SMCHD1: variants seen among roughly 807,000 people sequenced by gnomAD.
SMCHD1 encodes the protein structural maintenance of chromosomes flexible hinge domain containing 1, also known as structural maintenance of chromosomes flexible hinge domain-containing protein 1.
SMCHD1 carries 78 observed loss-of-function variants against 254.7 expected under a neutral mutation model. The observed-to-expected ratio is 0.31, with a 90% confidence interval of 0.26 to 0.37. SMCHD1 has a LOEUF of 0.37. SMCHD1 is among the 10% of genes least tolerant of loss of function. The pLI, the probability that SMCHD1 is intolerant of heterozygous loss-of-function variation, is 1.00. For synonymous variants in SMCHD1, 766 were observed against 794.9 expected, an observed-to-expected ratio of 0.96 and a Z score of 0.61; for missense variants, 1,840 against 2,408.1, an observed-to-expected ratio of 0.76 and a Z score of 4.94.
At position 2,803,280 on chromosome 18, in the gene SMCHD1, ATTAATACTAGAATATGTAGTCTCAGCCT is replaced by A. The variant is rs2076395976; in HGVS notation, c.*730_*757del. 3 of 149,570 alleles carry A rather than the reference ATTAATACTAGAATATGTAGTCTCAGCCT, an allele frequency of 2.0e-5. No individual in the cohort carries two copies. Among genetic ancestry groups the A allele is most frequent in the African/African-American group, 7.3e-5 (3 of 40,992 alleles). 9.3% of individuals were successfully genotyped at this position (149,570 alleles called of 1,614,324 possible). A position where few individuals can be genotyped will look rare whatever the true frequency, so the allele number is the denominator to read the frequency against. On this transcript the variant is annotated 3_prime_UTR_variant, in exon 48 of 48. Coordinates refer to ENST00000320876, the MANE Select transcript of SMCHD1 (RefSeq NM_015295.3). ...TTATAACTATTGTTTGTTTGACTTT[ATTAATACTAGAATATGTAGTCTCAGCCT>A]TAATTTTACATTTACATTATTTTGT...
intron 5 of SMCHD1, among the ~76,000 whole-genome samples, chr18:2,686,354 A>G (rs527583537): frequency 3.3e-5 from 5 of 152,324 alleles, no homozygotes; most frequent in Admixed American, 6.5e-5. Flanking sequence ...TAATGCATCT[A>G]TTCCAAAATT....
chr18:2,762,253 TC>T lies in SMCHD1; in HGVS notation c.4566+19del, dbSNP rs774427584. On this transcript the variant is annotated intron_variant, in intron 36 of 47. Transcript: ENST00000320876. ...AGTATCACGGTAATGTTTATTTTCTTCCAAAACTGCGAAGGGTAACAAGAAA... is the reference window on the plus strand; with the variant it reads ...AGTATCACGGTAATGTTTATTTTCTTCAAAACTGCGAAGGGTAACAAGAAA... The T allele has an allele frequency of 5.6e-6, 9 of 1,610,134 alleles. No individual in the cohort carries two copies. In the South Asian group the frequency reaches 9.9e-5, roughly 18 times the overall value.
At chr18:2,743,196 G>A (rs978437837) in intron 28 of SMCHD1, among the ~76,000 whole-genome samples, 1 of 152,112 alleles carries the variant, frequency 6.6e-6, no homozygotes, top group African/African-American at 2.4e-5. Flanking sequence ...GATGTGTTAC[G>A]CATTATTCTA....
Position 2,682,143 on chromosome 18 carries a change from A to G in SMCHD1, c.639-6251A>G, listed in dbSNP as rs114984753. ...AGAGATTGGTGGCCAGTTTTGTTAGAGGTGGAGTTTTCTTAAGTTTGGTGT... is the reference window on the plus strand; with the variant it reads ...AGAGATTGGTGGCCAGTTTTGTTAGGGGTGGAGTTTTCTTAAGTTTGGTGT... On this transcript the variant is annotated intron_variant, in intron 5 of 47. Coordinates refer to ENST00000320876, the MANE Select transcript of SMCHD1 (RefSeq NM_015295.3). 8.8e-3 allele frequency among the ~76,000 whole-genome samples: 1,334 copies of G among 152,022 alleles called. 22 individuals are homozygous for G. The highest frequency in any genetic ancestry group is 0.03 in the African/African-American group (1,264 of 41,452).
In SMCHD1 at chr18:2,656,205, C is replaced by A. The variant is rs1271107369; in HGVS notation, c.130C>A (p.Pro44Thr). The A allele has an allele frequency of 2.0e-6, 3 of 1,506,670 alleles. No homozygotes were observed. In the African/African-American group the frequency reaches 4.4e-5, roughly 22 times the overall value. The allele number at this position is 1,506,670 out of a possible 1,614,324, so 93.3% of individuals were successfully genotyped here. ...REKESELGDR[P>T]LQVGERSDYA... is the part of the protein sequence containing the mutation. ...AAAGGAGTCCGAGCTCGGGGACCGG[C>A]CTCTGCAGGTCGGGGAGCGCTCGGA... Residue 44 changes from proline to threonine, a missense_variant, in exon 1 of 48, where the codon CCT becomes ACT. By Grantham distance (38) the Pro-to-Thr change is conservative. Transcript: ENST00000320876.
intron 5 of SMCHD1, among the ~76,000 whole-genome samples, chr18:2,681,550 A>G (rs1174520120): frequency 2.1e-5 from 3 of 144,580 alleles, no homozygotes; most frequent in African/African-American, 7.7e-5. Context: ...ACGCCACTGC[A>G]CTCCAGCCTG....
chr18:2,740,692 C>T lies in SMCHD1; in HGVS notation c.3515-11C>T. Reference sequence around the variant, plus strand: ...AAGATAATACTAAAATAAAACTTCCCCCTTTTTTAGTTATAATAATTACAG... The same window carrying T: ...AAGATAATACTAAAATAAAACTTCCTCCTTTTTTAGTTATAATAATTACAG... On this transcript the variant is annotated splice_polypyrimidine_tract_variant and intron_variant, in intron 27 of 47. Coordinates refer to ENST00000320876, the MANE Select transcript of SMCHD1 (RefSeq NM_015295.3). The T allele has an allele frequency of 2.1e-6, 3 of 1,428,936 alleles. No individual in the cohort carries two copies. Among genetic ancestry groups the T allele is most frequent in the East Asian group, 2.3e-5 (1 of 43,106 alleles). The allele number at this position is 1,428,936 out of a possible 1,614,324, so 88.5% of individuals were successfully genotyped here.
chr18:2,785,415 G>A (rs1355662177), intron 45 of SMCHD1, among the ~76,000 whole-genome samples: 4 of 152,034 alleles, frequency 2.6e-5, no homozygotes, highest in African/African-American at 7.2e-5. Flanking sequence ...TTGGGAGGCC[G>A]AGGTAGGCGG....
At position 2,770,088 on chromosome 18, in the gene SMCHD1, A is replaced by G. The variant is rs1458741625; in HGVS notation, c.4946A>G (p.Gln1649Arg). The G allele has an allele frequency of 6.3e-7, 1 of 1,597,482 alleles. No individual in the cohort carries two copies. The highest frequency in any genetic ancestry group is 2.2e-5 in the East Asian group (1 of 44,574). The change falls in exon 39 of 48, where the codon CAG becomes CGG. Residue 1649 changes from glutamine (Q) to arginine (R), a missense_variant. Transcript: ENST00000320876. The part of the protein sequence containing the change: ...MYKSLFEASQ[Q>R]LLNEMKCQVE... ...AAAAGTTTATTTGAAGCCAGCCAAC[A>G]GCTTCTTAATGAAATGAAATGTAAG...
At chr18:2,708,907 T>A (rs12961785) in intron 17 of SMCHD1, among the ~76,000 whole-genome samples, 7,379 of 44,328 alleles carry the variant, frequency 0.17, 1,645 homozygotes, top group Middle Eastern at 0.24. Flanking sequence ...TATATATATA[T>A]AACATATTAA....
intron 5 of SMCHD1, among the ~76,000 whole-genome samples, chr18:2,681,523 C>T (rs752011040): frequency 8.1e-5 from 12 of 148,038 alleles, no homozygotes; most frequent in South Asian, 4.3e-4. Context: ...AGGTCGAGGC[C>T]GCAGTAATCC....
Position 2,656,208 on chromosome 18 carries a change from C to T in SMCHD1, c.133C>T (p.Leu45=), listed in dbSNP as rs1339476580. The T allele has an allele frequency of 7.3e-6, 11 of 1,507,788 alleles. No homozygotes were observed. The highest frequency in any genetic ancestry group is 1.5e-5 in the African/African-American group (1 of 67,920). The allele number at this position is 1,507,788 out of a possible 1,614,324, so 93.4% of individuals were successfully genotyped here. A position where few individuals can be genotyped will look rare whatever the true frequency, so the allele number is the denominator to read the frequency against. Residue 45 remains leucine, a synonymous_variant, in exon 1 of 48, where the codon CTG becomes TTG. Transcript: ENST00000320876. The part of the protein sequence containing the change: ...EKESELGDRP[L]QVGERSDYAG... Reference sequence around the variant, plus strand: ...GGAGTCCGAGCTCGGGGACCGGCCTCTGCAGGTCGGGGAGCGCTCGGACTA... The same window carrying T: ...GGAGTCCGAGCTCGGGGACCGGCCTTTGCAGGTCGGGGAGCGCTCGGACTA...
intron 34 of SMCHD1, 150 bp from the exon 35 acceptor site, chr18:2,760,502 T>G: frequency 1.8e-6 from 1 of 560,796 alleles, no homozygotes; most frequent in Non-Finnish European, 3.2e-6. Context: ...CAAGAAATAT[T>G]TGTTGAACGA....
At chr18:2,783,821 T>G (rs938703543) in intron 44 of SMCHD1, among the ~76,000 whole-genome samples, 1 of 152,172 alleles carries the variant, frequency 6.6e-6, no homozygotes, top group Admixed American at 6.5e-5. Context: ...TCTGCCCACC[T>G]TGGCCTCCCA....
chr18:2,720,278 T>C (rs1032981817), intron 19 of SMCHD1, among the ~76,000 whole-genome samples: 1 of 152,236 alleles, frequency 6.6e-6, no homozygotes, highest in Non-Finnish European at 1.5e-5. Context: ...CTTTCTATTT[T>C]TTCCTTTTTG....
chr18:2,785,704 T>G (rs2076229093), intron 45 of SMCHD1, among the ~76,000 whole-genome samples: 1 of 150,804 alleles, frequency 6.6e-6, no homozygotes, highest in Non-Finnish European at 1.5e-5. Flanking sequence ...TTCACATTGT[T>G]GTTCATTCTA....
Position 2,663,447 on chromosome 18 carries a change from C to T in SMCHD1, c.187-2710C>T, listed in dbSNP as rs544384787. On this transcript the variant is annotated intron_variant, in intron 1 of 47. Coordinates refer to ENST00000320876, the MANE Select transcript of SMCHD1 (RefSeq NM_015295.3). ...ACCTTTTCAGAAATCCCTTTATGCT[C>T]ACTCAAAATTATTTCCCTATGTGTT... Among the ~76,000 whole-genome samples, 8 of 152,208 alleles carry T rather than the reference C, an allele frequency of 5.3e-5. No individual in the cohort carries two copies. In the South Asian group the frequency reaches 1.5e-3, roughly 28 times the overall value.
At position 2,802,563 on chromosome 18, in the gene SMCHD1, A is replaced by G; in HGVS notation, c.*11A>G. Reference sequence around the variant, plus strand: ...AAAACAGATGTATGAGAGGTGACAGAGAGAAGAGGCCATTGGTCTCAGTAA... The same window carrying G: ...AAAACAGATGTATGAGAGGTGACAGGGAGAAGAGGCCATTGGTCTCAGTAA... On this transcript the variant is annotated 3_prime_UTR_variant, in exon 48 of 48. Transcript: ENST00000320876. 6.4e-7 allele frequency: 1 copy of G among 1,552,464 alleles called. No homozygotes were observed. The highest frequency in any genetic ancestry group is 8.7e-7 in the Non-Finnish European group (1 of 1,147,364).
intron 33 of SMCHD1, among the ~76,000 whole-genome samples, 159 bp downstream of exon 33, chr18:2,751,552 G>A (rs1236524821): frequency 1.3e-5 from 2 of 152,086 alleles, no homozygotes; most frequent in African/African-American, 4.8e-5. Context: ...ATCAATGTAT[G>A]TTTCAAAATT....
Sources: allele counts gnomAD v4.1 joint callset (sites outside exome capture counted in the v4.1 genomes callset), GRCh38; gene constraint gnomAD v4.1.1; transcripts MANE v1.5; gene names NCBI Gene and HGNC (gene_info 2026-07-23, HGNC 2026-07-21).